The following CALCOCO2 variants were observed in gnomAD, a reference collection of about 807,000 sequenced individuals.
CALCOCO2 encodes calcium-binding and coiled-coil domain-containing protein 2.
Under a neutral mutation model 62.5 loss-of-function variants are expected in CALCOCO2, and 42 were observed. That is an observed-to-expected ratio of 0.67 (90% confidence interval 0.53 to 0.87). The LOEUF (loss-of-function observed/expected upper bound fraction) is 0.87. Ranked by LOEUF, CALCOCO2 falls within the 40% of genes least tolerant of loss-of-function variation. The pLI, the probability that CALCOCO2 is intolerant of heterozygous loss-of-function variation, is 0.00. For synonymous variants in CALCOCO2, 167 were observed against 173.0 expected (o/e 0.97, Z 0.27); for missense variants, 456 against 515.0 (o/e 0.89, Z 1.11).
At chr17:48,860,218 A>G in intron 10 of CALCOCO2, 96 bp from the exon 11 acceptor site, 1 of 852,890 alleles carries the variant, frequency 1.2e-6, no homozygotes. Flanking sequence ...CCACATTGCT[A>G]ATTGAGAACT....
At chr17:48,846,361 A>G (rs1022012458) in intron 2 of CALCOCO2, 8 of 644,690 alleles carry the variant, frequency 1.2e-5, no homozygotes, top group Non-Finnish European at 2.2e-5. Flanking sequence ...AGCCACCACC[A>G]ATGATGGAGC....
intron 2 of CALCOCO2, among the ~76,000 whole-genome samples, chr17:48,844,732 G>A (rs2040022877): frequency 1.3e-5 from 2 of 152,088 alleles, no homozygotes; most frequent in South Asian, 4.1e-4. Context: ...TGGCCAGGCT[G>A]GTCTGGAACT....
intron 1 of CALCOCO2, among the ~76,000 whole-genome samples, chr17:48,838,985 C>A (rs1330073186): frequency 2.6e-5 from 4 of 151,452 alleles, no homozygotes; most frequent in Non-Finnish European, 5.9e-5. Context: ...TAGGTGTCAA[C>A]AATTAAAATC....
intron 2 of CALCOCO2, among the ~76,000 whole-genome samples, chr17:48,845,146 T>C (rs971368582): frequency 7.0e-6 from 1 of 143,678 alleles, no homozygotes; most frequent in Non-Finnish European, 1.5e-5. Context: ...AAAAAAAAAA[T>C]TTTTTTTAAA....
intron 10 of CALCOCO2, among the ~76,000 whole-genome samples, chr17:48,859,570 C>T (rs1393289801): frequency 6.6e-6 from 1 of 152,040 alleles, no homozygotes; most frequent in Non-Finnish European, 1.5e-5. Context: ...CCCCGCACTC[C>T]AGCCTGGGTG....
intron 7 of CALCOCO2, 44 bp downstream of exon 7, chr17:48,851,672 T>TA (rs769811353): frequency 1.8e-6 from 2 of 1,108,808 alleles, no homozygotes; most frequent in South Asian, 2.5e-5. Flanking sequence ...TTCTTAGCCT[T>TA]ACCACTGCTC....
intron 1 of CALCOCO2, among the ~76,000 whole-genome samples, chr17:48,833,585 A>T (rs965829333): frequency 1.3e-5 from 2 of 151,936 alleles, no homozygotes; most frequent in Admixed American, 6.6e-5. Flanking sequence ...GTAAGCAGAA[A>T]GATAAAGGAA....
intron 10 of CALCOCO2, among the ~76,000 whole-genome samples, chr17:48,857,932 G>A (rs1229331930): frequency 2.7e-5 from 4 of 146,908 alleles, no homozygotes; most frequent in Non-Finnish European, 4.5e-5. Flanking sequence ...AGCCAAGATC[G>A]TGCCACTGCA....
At chr17:48,846,119 T>A in intron 2 of CALCOCO2, 5 of 1,089,154 alleles carry the variant, frequency 4.6e-6, no homozygotes, top group Non-Finnish European at 6.4e-6. Context: ...TAACTCTTTT[T>A]ATTTTTTATT....
intron 8 of CALCOCO2, 88 bp from the exon 9 acceptor site, chr17:48,852,838 T>A (rs1231868784): frequency 9.2e-7 from 1 of 1,083,904 alleles, no homozygotes; most frequent in African/African-American, 1.6e-5. Context: ...GCATCCTGCT[T>A]GCTCATTAGC....
At chr17:48,841,061 A>C (rs573894824) in intron 1 of CALCOCO2, among the ~76,000 whole-genome samples, 1 of 152,338 alleles carries the variant, frequency 6.6e-6, no homozygotes, top group South Asian at 2.1e-4. Flanking sequence ...CCCAATTTAC[A>C]GATAAGGAAA....
chr17:48,848,540 T>C (rs2040084250), intron 4 of CALCOCO2, 85 bp downstream of exon 4: 2 of 1,226,880 alleles, frequency 1.6e-6, no homozygotes, highest in Non-Finnish European at 1.2e-6. Flanking sequence ...AATAAGGCTT[T>C]ATTGAATATC....
intron 6 of CALCOCO2, 104 bp downstream of exon 6, chr17:48,851,281 T>C (rs528495629): frequency 1.2e-5 from 9 of 730,854 alleles, no homozygotes; most frequent in East Asian, 4.9e-5. Flanking sequence ...AACACTGTTA[T>C]GACATTGATG....
intron 1 of CALCOCO2, among the ~76,000 whole-genome samples, chr17:48,838,929 C>T (rs1226950602): frequency 6.6e-6 from 1 of 151,898 alleles, no homozygotes. Flanking sequence ...ACCAGCTAGT[C>T]ATTTAGAAAA....
Position 48,856,199 on chromosome 17 carries a change from A to G in CALCOCO2, c.1008+12A>G, listed in dbSNP as rs2040212972. 6.8e-7 allele frequency: 1 copy of G among 1,470,384 alleles called. No individual in the cohort carries two copies. Among genetic ancestry groups the G allele is most frequent in the Non-Finnish European group, 9.5e-7 (1 of 1,052,360 alleles). 91.1% of individuals were successfully genotyped at this position (1,470,384 alleles called of 1,614,324 possible). A position where few individuals can be genotyped will look rare whatever the true frequency, so the allele number is the denominator to read the frequency against. On this transcript the variant is annotated intron_variant, in intron 10 of 12. Transcript: ENST00000258947. ...AAGGAGAAAATGATGTAAGTGTGTG[A>G]AAGAGGGTATAAAACCCCAAGGTTT...
At chr17:48,855,183 C>A (rs1451925936) in intron 9 of CALCOCO2, among the ~76,000 whole-genome samples, 1 of 152,136 alleles carries the variant, frequency 6.6e-6, no homozygotes, top group Non-Finnish European at 1.5e-5. Context: ...CCCAACTTAG[C>A]CACAGGTCTC....
chr17:48,840,208 C>T (rs1422076404), intron 1 of CALCOCO2, among the ~76,000 whole-genome samples: 1 of 152,120 alleles, frequency 6.6e-6, no homozygotes, highest in African/African-American at 2.4e-5. Flanking sequence ...TGGCTCGCTG[C>T]AGCCTAGACC....
intron 2 of CALCOCO2, chr17:48,846,434 T>A: frequency 7.6e-7 from 1 of 1,313,180 alleles, no homozygotes. Flanking sequence ...CATACTCTCC[T>A]TGACTTAGGC....
chr17:48,852,779 C>CT, intron 8 of CALCOCO2, 147 bp from the exon 9 acceptor site: 1 of 973,234 alleles, frequency 1.0e-6, no homozygotes, highest in Non-Finnish European at 1.6e-6. Flanking sequence ...AATGAGATAG[C>CT]TCATGGCTTT....
Sources: gnomAD v4.1 joint callset for allele counts (sites outside exome capture counted in the v4.1 genomes callset) on GRCh38, gnomAD v4.1.1 for gene constraint, MANE v1.5 for transcripts, NCBI Gene and HGNC (gene_info 2026-07-23, HGNC 2026-07-21) for gene names.